PDS5A: variants seen among roughly 807,000 people sequenced by gnomAD.
PDS5A encodes the protein sister chromatid cohesion protein PDS5 homolog A.
In PDS5A, 42 loss-of-function variants were observed where a neutral mutation model predicts 167.1. The ratio of observed to expected loss-of-function variants is 0.25; its 90% CI spans 0.20 to 0.33. PDS5A has a LOEUF of 0.33. Ranked by LOEUF, PDS5A falls within the 10% of genes least tolerant of loss-of-function variation. The pLI, the probability that PDS5A is intolerant of heterozygous loss-of-function variation, is 1.00. For synonymous variants in PDS5A, 553 were observed against 554.6 expected (o/e 1.00, Z 0.04); for missense variants, 1,033 against 1,605.9 (o/e 0.64, Z 6.10).
At chr4:39,913,974 C>G (rs1484063039) in intron 8 of PDS5A, among the ~76,000 whole-genome samples, 1 of 152,092 alleles carries the variant, frequency 6.6e-6, no homozygotes, top group Admixed American at 6.6e-5. Flanking sequence ...TAATTGCATT[C>G]TATACATTGG....
chr4:39,871,171 G>C (rs1365407853), intron 21 of PDS5A, among the ~76,000 whole-genome samples: 1 of 152,160 alleles, frequency 6.6e-6, no homozygotes, highest in African/African-American at 2.4e-5. Flanking sequence ...CAGAGTTTCT[G>C]TATGGGGTGA....
rs1260289217 is a variant in PDS5A, at chr4:39,900,182, C to G, written c.1581+244G>C. 2.0e-5 allele frequency among the ~76,000 whole-genome samples: 3 copies of G among 152,128 alleles called. No homozygotes were observed. In the South Asian group the frequency reaches 6.2e-4, roughly 31 times the overall value. On this transcript the variant is annotated intron_variant, in intron 14 of 32. Coordinates refer to ENST00000303538, the MANE Select transcript of PDS5A (RefSeq NM_001100399.2). ...TTTGAAAATTGATTAACTATAAACT[C>G]TTAGTGTCTGAAAACTTTATATAAA...
At chr4:39,913,421 G>A (rs11724667) in intron 9 of PDS5A, among the ~76,000 whole-genome samples, 190 bp downstream of exon 9, 1 of 151,960 alleles carries the variant, frequency 6.6e-6, no homozygotes, top group Non-Finnish European at 1.5e-5. Flanking sequence ...GAGTTACACA[G>A]ATAAAATACT....
At chr4:39,882,739 A>C (rs894924458) in intron 17 of PDS5A, among the ~76,000 whole-genome samples, 9 of 152,206 alleles carry the variant, frequency 5.9e-5, no homozygotes, top group Admixed American at 1.3e-4. Context: ...GCTATAAGCG[A>C]AAGAGCAAAG....
intron 2 of PDS5A, among the ~76,000 whole-genome samples, chr4:39,953,012 A>G (rs536884951): frequency 2.0e-5 from 3 of 152,304 alleles, no homozygotes; most frequent in African/African-American, 4.8e-5. Flanking sequence ...TACAGGCATG[A>G]GCCACCACGT....
At chr4:39,919,840 C>A (rs566162470) in intron 7 of PDS5A, among the ~76,000 whole-genome samples, 31 of 151,814 alleles carry the variant, frequency 2.0e-4, no homozygotes, top group African/African-American at 7.5e-4. Context: ...GCAACTATCA[C>A]AATCTTTCAT....
intron 2 of PDS5A, among the ~76,000 whole-genome samples, chr4:39,975,317 G>A (rs1368785063): frequency 6.6e-6 from 1 of 152,140 alleles, no homozygotes; most frequent in Non-Finnish European, 1.5e-5. Flanking sequence ...ACCAAATTAA[G>A]AGTCTGAAAA....
At chr4:39,918,422 C>T (rs1208649608) in intron 7 of PDS5A, among the ~76,000 whole-genome samples, 1 of 151,636 alleles carries the variant, frequency 6.6e-6, no homozygotes, top group African/African-American at 2.4e-5. Flanking sequence ...TTAAAAGATA[C>T]CAGCACTGCA....
intron 2 of PDS5A, among the ~76,000 whole-genome samples, chr4:39,960,141 G>A (rs1050019081): frequency 1.3e-5 from 2 of 151,794 alleles, no homozygotes; most frequent in South Asian, 2.1e-4. Context: ...GTGGTGGCAC[G>A]CACCTGTAAT....
intron 7 of PDS5A, among the ~76,000 whole-genome samples, chr4:39,918,869 A>G (rs370836058): frequency 5.3e-5 from 8 of 152,274 alleles, no homozygotes; most frequent in African/African-American, 1.9e-4. Flanking sequence ...TTCCCACTGG[A>G]TAAGAGTAAT....
chr4:39,925,315 T>C (rs1320982730), intron 5 of PDS5A, among the ~76,000 whole-genome samples: 1 of 152,152 alleles, frequency 6.6e-6, no homozygotes, highest in African/African-American at 2.4e-5. Flanking sequence ...CCTATTTCTA[T>C]AAAGAGAAGG....
chr4:39,964,931 A>G (rs1162007797), intron 2 of PDS5A, among the ~76,000 whole-genome samples: 6 of 151,954 alleles, frequency 3.9e-5, no homozygotes, highest in Non-Finnish European at 5.9e-5. Context: ...TGACAGAAAG[A>G]CTCTGTCTCA....
rs375444885 is a variant in PDS5A, at chr4:39,827,619, T to C, written c.4011-2131A>G. On this transcript the variant is annotated intron_variant, in intron 32 of 32. Transcript: ENST00000303538. The stretch of plus-strand genomic sequence containing the variant: ...GTTAATTTTGAGATACGAACCCACA[T>C]GATGGGAGGAAACCTTCTCATTATA... Among the ~76,000 whole-genome samples the C allele has an allele frequency of 1.3e-3, 196 of 152,316 alleles. 2 individuals carry two copies. In the South Asian group the frequency reaches 0.039, roughly 30 times the overall value.
Position 39,870,567 on chromosome 4 carries a change from GAC to G in PDS5A, c.2437-1107_2437-1106del, listed in dbSNP as rs1171882302. ...TGCGCTAGTGCACCCCAGCCTGGGTGACAGAGTGAGACCATGTCTCAAAATAA... is the reference window on the plus strand; with the variant it reads ...TGCGCTAGTGCACCCCAGCCTGGGTGAGAGTGAGACCATGTCTCAAAATAA... On this transcript the variant is annotated intron_variant, in intron 21 of 32. Transcript: ENST00000303538. 2.0e-5 allele frequency among the ~76,000 whole-genome samples: 3 copies of G among 151,092 alleles called. No individual in the cohort carries two copies. The East Asian group carries it at 5.9e-4, about 30-fold the overall frequency.
chr4:39,846,894 CAA>C (rs1717652201), intron 28 of PDS5A: 1 of 152,174 alleles, frequency 6.6e-6, no homozygotes, highest in Non-Finnish European at 1.5e-5. Context: ...TTCTTTTGCA[CAA>C]AGTCTTCTAT....
At chr4:39,828,959 G>C (rs1245778892) in intron 32 of PDS5A, among the ~76,000 whole-genome samples, 4 of 152,196 alleles carry the variant, frequency 2.6e-5, no homozygotes, top group African/African-American at 9.7e-5. Context: ...GGGCCACAGA[G>C]AAGCACAAGG....
chr4:39,866,387 G>C (rs1201426146), intron 23 of PDS5A, among the ~76,000 whole-genome samples: 1 of 152,154 alleles, frequency 6.6e-6, no homozygotes, highest in Admixed American at 6.5e-5. Context: ...AAAATGCTGG[G>C]ATTACAGGCA....
chr4:39,882,960 C>T (rs114002770), intron 17 of PDS5A, among the ~76,000 whole-genome samples: 209 of 152,218 alleles, frequency 1.4e-3, no homozygotes, highest in African/African-American at 4.9e-3. Flanking sequence ...TTGGCAACTT[C>T]ATCTTTAACA....
chr4:39,973,402 T>G (rs548350035), intron 2 of PDS5A: 1 of 1,580,464 alleles, frequency 6.3e-7, no homozygotes, highest in East Asian at 2.2e-5. Flanking sequence ...CGCAGCATAT[T>G]TATACTGTGG....
Sources: allele counts gnomAD v4.1 joint callset (sites outside exome capture counted in the v4.1 genomes callset), GRCh38; gene constraint gnomAD v4.1.1; transcripts MANE v1.5; gene names NCBI Gene and HGNC (gene_info 2026-07-23, HGNC 2026-07-21).